Variants in PARD3 observed in about 807,000 individuals in gnomAD.
PARD3 encodes the protein par-3 family cell polarity regulator, also known as partitioning defective 3 homolog.
In PARD3, 75 loss-of-function variants were observed where a neutral mutation model predicts 155.4. The observed-to-expected ratio is 0.48, with a 90% CI of 0.40 to 0.58. The LOEUF (loss-of-function observed/expected upper bound fraction) is 0.58, where lower values mean the gene tolerates loss of function less well. Ranked by LOEUF, PARD3 falls within the 20% of genes least tolerant of loss-of-function variation. PARD3 has a pLI of 0.00. For synonymous variants in PARD3, 576 were observed against 610.5 expected (o/e 0.94, Z 0.83); for missense variants, 1,642 against 1,721.7 (o/e 0.95, Z 0.82).
intron 19 of PARD3, among the ~76,000 whole-genome samples, chr10:34,329,055 C>CT (rs952904002): frequency 6.6e-6 from 1 of 152,124 alleles, no homozygotes; most frequent in African/African-American, 2.4e-5. Context: ...TTTCATTTCA[C>CT]TTTTTTTCTC....
chr10:34,334,982 G>A (rs1459587970), intron 18 of PARD3, among the ~76,000 whole-genome samples: 2 of 151,834 alleles, frequency 1.3e-5, no homozygotes, highest in Admixed American at 6.6e-5. Flanking sequence ...TATGAAGTCA[G>A]GTCCTTTACC....
At chr10:34,693,217 G>A (rs575852184) in intron 2 of PARD3, among the ~76,000 whole-genome samples, 1 of 152,214 alleles carries the variant, frequency 6.6e-6, no homozygotes, top group African/African-American at 2.4e-5. Flanking sequence ...TTAAAACAGG[G>A]TTATCATTCA....
chr10:34,165,589 A>G lies in PARD3; in HGVS notation c.3420-34006T>C, dbSNP rs369731866. On this transcript the variant is annotated intron_variant, in intron 22 of 24. Transcript: ENST00000374788. ...TGCCACCCCTCTCTGCCTTCTCAAC[A>G]CCCAACAATTTGGCCTTAAGCTCCC... 2.0e-5 allele frequency among the ~76,000 whole-genome samples: 3 copies of G among 152,210 alleles called. No individual in the cohort carries two copies. In the East Asian group the frequency reaches 5.8e-4, roughly 29 times the overall value.
chr10:34,237,795 T>A (rs1165622368), intron 22 of PARD3, among the ~76,000 whole-genome samples: 1 of 152,210 alleles, frequency 6.6e-6, no homozygotes, highest in African/African-American at 2.4e-5. Context: ...ATTAAGCATG[T>A]TGTCTTTTTA....
At chr10:34,147,387 T>C (rs946982081) in intron 22 of PARD3, among the ~76,000 whole-genome samples, 1 of 152,126 alleles carries the variant, frequency 6.6e-6, no homozygotes. Context: ...GAAAAATATA[T>C]CTTTACTATT....
intron 22 of PARD3, among the ~76,000 whole-genome samples, chr10:34,161,874 C>T (rs1949299913): frequency 6.6e-6 from 1 of 152,194 alleles, no homozygotes; most frequent in Admixed American, 6.5e-5. Context: ...AAAGCCTGCA[C>T]TGCTCGACGC....
chr10:34,369,669 A>C (rs1335811658), intron 12 of PARD3, among the ~76,000 whole-genome samples: 2 of 152,194 alleles, frequency 1.3e-5, no homozygotes, highest in African/African-American at 4.8e-5. Flanking sequence ...GAAAAGAAAA[A>C]GAATCATAAC....
At chr10:34,196,780 A>G (rs1387796089) in intron 22 of PARD3, among the ~76,000 whole-genome samples, 2 of 151,930 alleles carry the variant, frequency 1.3e-5, no homozygotes, top group East Asian at 1.9e-4. Flanking sequence ...ACACCGTGTT[A>G]GCCAGGATGG....
At chr10:34,448,908 G>A (rs34623887) in intron 5 of PARD3, among the ~76,000 whole-genome samples, 43,274 of 149,752 alleles carry the variant, frequency 0.29, 6,717 homozygotes, top group East Asian at 0.43. Flanking sequence ...TAATGTGATG[G>A]ATAAATTATC....
At chr10:34,440,229 T>C (rs1437043249) in intron 5 of PARD3, among the ~76,000 whole-genome samples, 1 of 152,170 alleles carries the variant, frequency 6.6e-6, no homozygotes, top group Non-Finnish European at 1.5e-5. Flanking sequence ...AAAAAACACA[T>C]TGTAGGATGA....
chr10:34,236,267 T>G (rs560408933), intron 22 of PARD3, among the ~76,000 whole-genome samples: 1 of 152,306 alleles, frequency 6.6e-6, no homozygotes, highest in East Asian at 1.9e-4. Context: ...ACTGCATCTG[T>G]AGTAATAGAC....
chr10:34,114,206 G>A (rs938796643), intron 24 of PARD3, among the ~76,000 whole-genome samples: 4 of 152,104 alleles, frequency 2.6e-5, no homozygotes, highest in Non-Finnish European at 4.4e-5. Flanking sequence ...AGGCTGCAGT[G>A]AGCCGTGATT....
chr10:34,627,068 A>G (rs1398325137), intron 2 of PARD3, among the ~76,000 whole-genome samples: 1 of 151,194 alleles, frequency 6.6e-6, no homozygotes, highest in Non-Finnish European at 1.5e-5. Flanking sequence ...CACTGAGGTT[A>G]GAGTGCAGTG....
At chr10:34,644,276 G>A (rs2092767944) in intron 2 of PARD3, among the ~76,000 whole-genome samples, 1 of 152,200 alleles carries the variant, frequency 6.6e-6, no homozygotes, top group African/African-American at 2.4e-5. Flanking sequence ...ATAAAACATA[G>A]AGAGGGACCC....
chr10:34,622,515 AGTTATTCCCTCC>A (rs2091739187), intron 2 of PARD3, among the ~76,000 whole-genome samples: 1 of 152,234 alleles, frequency 6.6e-6, no homozygotes, highest in Non-Finnish European at 1.5e-5. Flanking sequence ...TCACAAGAGA[AGTTATTCCCTCC>A]TTGATGGTTG....
rs555653689 is a variant in PARD3, at chr10:34,133,249, C to T, written c.3420-1666G>A. On this transcript the variant is annotated intron_variant, in intron 22 of 24. Transcript: ENST00000374788. ...ACTGGAGCTTCAGGAGCTGCAGGCA[C>T]CCACACCCAGACACTACCGTGGGGC... 2.6e-5 allele frequency among the ~76,000 whole-genome samples: 4 copies of T among 152,288 alleles called. No homozygotes were observed. The East Asian group carries it at 7.7e-4, about 29-fold the overall frequency.
In PARD3 at chr10:34,384,665, A is replaced by G. The variant is rs557456729; in HGVS notation, c.891-411T>C. Reference sequence around the variant, plus strand: ...AGCTTAAAAGACGACTGCAACTCCCATCTTTCTGTGAAAGTAAAGGTAATG... The same window carrying G: ...AGCTTAAAAGACGACTGCAACTCCCGTCTTTCTGTGAAAGTAAAGGTAATG... On this transcript the variant is annotated intron_variant, in intron 7 of 24. Transcript: ENST00000374788. Among the ~76,000 whole-genome samples, 7 of 152,356 alleles carry G rather than the reference A, an allele frequency of 4.6e-5. No homozygotes were observed. In the South Asian group the frequency reaches 1.0e-3, roughly 23 times the overall value.
At chr10:34,399,150 C>G (rs1413688202) in intron 7 of PARD3, among the ~76,000 whole-genome samples, 180 bp downstream of exon 7, 1 of 152,182 alleles carries the variant, frequency 6.6e-6, no homozygotes, top group Non-Finnish European at 1.5e-5. Context: ...AACCTCTCTT[C>G]ATCAGGCTAA....
chr10:34,717,633 A>T (rs944450604), intron 1 of PARD3, among the ~76,000 whole-genome samples: 10 of 152,178 alleles, frequency 6.6e-5, no homozygotes, highest in African/African-American at 2.4e-4. Context: ...AAGCCTTCTA[A>T]GAGCAAGAAA....
Sources: allele counts gnomAD v4.1 joint callset (sites outside exome capture counted in the v4.1 genomes callset), GRCh38; gene constraint gnomAD v4.1.1; transcripts MANE v1.5; gene names NCBI Gene and HGNC (gene_info 2026-07-23, HGNC 2026-07-21).